PTPRN2: variants seen among roughly 807,000 people sequenced by gnomAD.
The protein encoded by PTPRN2 is protein tyrosine phosphatase receptor type N2, also known as receptor-type tyrosine-protein phosphatase N2.
A neutral mutation model predicts 118.8 loss-of-function variants in PTPRN2; 74 were observed. The ratio of observed to expected loss-of-function variants is 0.62; its 90% CI spans 0.52 to 0.76. PTPRN2 has a LOEUF of 0.76. PTPRN2 is among the 30% of genes least tolerant of loss of function. The probability of loss-of-function intolerance (pLI) is 0.00; values close to 1 mark genes in which losing one functional copy is unlikely to be tolerated. For synonymous variants in PTPRN2, 641 were observed against 608.0 expected, an observed-to-expected ratio of 1.05 and a Z score of -0.80; for missense variants, 1,481 against 1,394.4, an observed-to-expected ratio of 1.06 and a Z score of -0.99.
At chr7:157,946,541 G>A (rs1412695670) in intron 11 of PTPRN2, among the ~76,000 whole-genome samples, 1 of 152,206 alleles carries the variant, frequency 6.6e-6, no homozygotes, top group African/African-American at 2.4e-5. Context: ...GCCCACAGCA[G>A]CTCCTGAGGG....
chr7:157,933,931 A>G (rs921879446), intron 11 of PTPRN2, among the ~76,000 whole-genome samples: 6 of 152,004 alleles, frequency 3.9e-5, no homozygotes, highest in Non-Finnish European at 2.9e-5. Context: ...GGGGTGAGTC[A>G]CTCTAAATGA....
chr7:157,965,520 G>T (rs1801863056), intron 11 of PTPRN2, among the ~76,000 whole-genome samples: 2 of 152,032 alleles, frequency 1.3e-5, no homozygotes, highest in Non-Finnish European at 2.9e-5. Context: ...AAATTTCTAG[G>T]TTTCCAACCC....
intron 12 of PTPRN2, among the ~76,000 whole-genome samples, chr7:157,755,802 G>A (rs968350372): frequency 6.6e-6 from 1 of 152,132 alleles, no homozygotes. Flanking sequence ...GCCTGGAGAC[G>A]GATCCATTCT....
At chr7:158,415,677 G>T (rs1455420793) in intron 2 of PTPRN2, among the ~76,000 whole-genome samples, 2 of 152,028 alleles carry the variant, frequency 1.3e-5, no homozygotes, top group Non-Finnish European at 2.9e-5. Context: ...CCCTACAATG[G>T]CTCATTAATA....
Position 157,598,209 on chromosome 7 carries a change from G to C in PTPRN2, c.2419-2894C>G, listed in dbSNP as rs148325666. Among the ~76,000 whole-genome samples, 1 of 152,140 alleles carries C rather than the reference G, an allele frequency of 6.6e-6. No individual in the cohort carries two copies. The highest frequency in any genetic ancestry group is 1.5e-5 in the Non-Finnish European group (1 of 68,022). ...TGTCCCTCTGTCTTCCCCACCCAGC[G>C]ATCACACGGCACCTACTCTGGCTTC... On this transcript the variant is annotated intron_variant, in intron 16 of 22. Transcript: ENST00000389418. The surrounding 1 kb of genome is among the most constrained non-coding windows in gnomAD (Gnocchi z 5.2).
chr7:158,310,918 A>G (rs905325948), intron 3 of PTPRN2, among the ~76,000 whole-genome samples: 1 of 152,198 alleles, frequency 6.6e-6, no homozygotes, highest in African/African-American at 2.4e-5. Flanking sequence ...CGTGACTCCA[A>G]CACACCCACC....
At chr7:158,034,384 G>A (rs1807936228) in intron 11 of PTPRN2, among the ~76,000 whole-genome samples, 1 of 152,248 alleles carries the variant, frequency 6.6e-6, no homozygotes, top group Admixed American at 6.5e-5. Flanking sequence ...GAAGACCCCA[G>A]TGGGAGGTAC....
Position 157,591,937 on chromosome 7 carries a change from T to C in PTPRN2, c.2496+3301A>G, listed in dbSNP as rs115517509. On this transcript the variant is annotated intron_variant, in intron 17 of 22. Transcript: ENST00000389418. The surrounding 1 kb of genome is among the most constrained non-coding windows in gnomAD (Gnocchi z 4.4). The stretch of plus-strand genomic sequence containing the variant: ...AAGCGAGTTTCTTTAGTTCACAATT[T>C]CTCAGAGGCTCTGCTCGGCTGGCAT... 0.012 allele frequency among the ~76,000 whole-genome samples: 1,876 copies of C among 152,300 alleles called. 38 individuals are homozygous for C. Among genetic ancestry groups the C allele is most frequent in the African/African-American group, 0.043 (1,791 of 41,556 alleles).
intron 1 of PTPRN2, among the ~76,000 whole-genome samples, chr7:158,575,568 G>T (rs976866438): frequency 2.6e-5 from 4 of 152,140 alleles, no homozygotes; most frequent in Admixed American, 6.5e-5. Context: ...GTCTCACTGT[G>T]TTGCCCAGGC....
intron 11 of PTPRN2, among the ~76,000 whole-genome samples, chr7:158,071,592 G>GTGCTCGTGGTGGTGGAGA (rs1811723374): frequency 1.1e-5 from 1 of 90,356 alleles, no homozygotes. Context: ...CCTGGTGGAG[G>GTGCTCGTGGTGGTGGAGA]TGCTCCTGGT....
chr7:158,109,153 C>T (rs1437183792), intron 10 of PTPRN2, among the ~76,000 whole-genome samples: 1 of 149,860 alleles, frequency 6.7e-6, no homozygotes, highest in African/African-American at 2.5e-5. Context: ...GAGTGAATGA[C>T]ATCACCCCAT....
At chr7:158,070,408 CGTGCTCGTGGTGGTG>C (rs1453166647) in intron 11 of PTPRN2, among the ~76,000 whole-genome samples, 31 of 17,196 alleles carry the variant, frequency 1.8e-3, no homozygotes, top group East Asian at 0.016. Flanking sequence ...TGGTGGTGGA[CGTGCTCGTGGTGGTG>C]GTGCTCGTGG....
In PTPRN2 at chr7:158,530,542, C is replaced by G. The variant is rs553990211; in HGVS notation, c.113-40757G>C. ...CACGACTTAAACACATAGAGCAAGG[C>G]GGGGGGGGTTCCATGTGGGCAAGGT... is the stretch of plus-strand genomic sequence containing the variant. On this transcript the variant is annotated intron_variant, in intron 1 of 22. Coordinates refer to ENST00000389418, the MANE Select transcript of PTPRN2 (RefSeq NM_002847.5). Among the ~76,000 whole-genome samples the G allele has an allele frequency of 3.1e-4, 47 of 151,590 alleles. No homozygotes were observed. The East Asian group carries it at 8.7e-3, about 28-fold the overall frequency.
In PTPRN2 at chr7:158,091,928, G is replaced by A. The variant is rs183605782; in HGVS notation, c.1644-10551C>T. Among the ~76,000 whole-genome samples the A allele has an allele frequency of 2.2e-4, 12 of 53,992 alleles. No individual in the cohort carries two copies. The East Asian group carries it at 4.5e-3, about 20-fold the overall frequency. The allele number at this position is 53,992 out of a possible 152,430, so 35.4% of individuals were successfully genotyped here. A position where few individuals can be genotyped will look rare whatever the true frequency, so the allele number is the denominator to read the frequency against. Reference sequence around the variant, plus strand: ...GATGGGTAGAGAGATGGTTGGGTGGGTGGGTGGATGGGTGAGGGATCGGTG... The same window carrying A: ...GATGGGTAGAGAGATGGTTGGGTGGATGGGTGGATGGGTGAGGGATCGGTG... On this transcript the variant is annotated intron_variant, in intron 10 of 22. Transcript: ENST00000389418.
chr7:158,223,313 A>G (rs1038465988), intron 3 of PTPRN2, among the ~76,000 whole-genome samples: 2 of 152,256 alleles, frequency 1.3e-5, no homozygotes, highest in African/African-American at 4.8e-5. Context: ...AACAGTTCCC[A>G]ATTTATTTTA....
At chr7:157,989,866 G>T (rs1245031933) in intron 11 of PTPRN2, among the ~76,000 whole-genome samples, 1 of 152,016 alleles carries the variant, frequency 6.6e-6, no homozygotes, top group African/African-American at 2.4e-5. Context: ...TTCCACACTC[G>T]GCCAAGGTCT....
chr7:157,851,832 GT>G (rs1278906554), intron 12 of PTPRN2, among the ~76,000 whole-genome samples: 1 of 152,204 alleles, frequency 6.6e-6, no homozygotes, highest in African/African-American at 2.4e-5. Context: ...TTTCTTTTCT[GT>G]TTCTCTTTGG....
chr7:157,986,005 A>G lies in PTPRN2; in HGVS notation c.1724-87268T>C, dbSNP rs1239451314. 6.6e-6 allele frequency among the ~76,000 whole-genome samples: 1 copy of G among 152,192 alleles called. No homozygotes were observed. Among genetic ancestry groups the G allele is most frequent in the Non-Finnish European group, 1.5e-5 (1 of 68,038 alleles). On this transcript the variant is annotated intron_variant, in intron 11 of 22. Coordinates refer to ENST00000389418, the MANE Select transcript of PTPRN2 (RefSeq NM_002847.5). This position sits in a 1 kb window ranked among gnomAD's most constrained non-coding sequence, Gnocchi z 4.5. ...CCGCATGTGAAATGCTTGGGGTTGA[A>G]ATGTAACGAATCTCTCACTACTGAC...
At chr7:157,702,891 T>C (rs966432904) in intron 12 of PTPRN2, among the ~76,000 whole-genome samples, 3 of 152,244 alleles carry the variant, frequency 2.0e-5, no homozygotes, top group East Asian at 3.9e-4. Context: ...CAGGAAACAC[T>C]AGGGGACCTT....
Sources: allele counts gnomAD v4.1 joint callset (sites outside exome capture counted in the v4.1 genomes callset), GRCh38; gene constraint gnomAD v4.1.1; non-coding constraint Gnocchi (gnomAD v3.1); transcripts MANE v1.5; gene names NCBI Gene and HGNC (gene_info 2026-07-23, HGNC 2026-07-21).